DNAAF9: variants seen among roughly 807,000 people sequenced by gnomAD.
DNAAF9 encodes the protein dynein axonemal assembly factor 9, also known as shulin.
DNAAF9 carries 90 observed loss-of-function variants against 167.0 expected under a neutral mutation model. That is an observed-to-expected ratio of 0.54 (90% confidence interval 0.45 to 0.64). The LOEUF (loss-of-function observed/expected upper bound fraction) is 0.64. Among genes scored for constraint, DNAAF9 ranks in the 30% least tolerant of loss-of-function variants. The pLI, the probability that DNAAF9 is intolerant of heterozygous loss-of-function variation, is 0.00. For missense variants in DNAAF9, 1,315 were observed against 1,442.2 expected (o/e 0.91, Z 1.43); for synonymous variants, 491 against 508.8 (o/e 0.96, Z 0.47).
At chr20:3,398,988 G>T (rs2083947176) in intron 1 of DNAAF9, among the ~76,000 whole-genome samples, 1 of 152,194 alleles carries the variant, frequency 6.6e-6, no homozygotes, top group African/African-American at 2.4e-5. Context: ...TGACCATAAG[G>T]TGACTCAAAC....
chr20:3,291,351 T>G (rs2068949407), intron 25 of DNAAF9, among the ~76,000 whole-genome samples: 3 of 150,666 alleles, frequency 2.0e-5, no homozygotes, highest in South Asian at 4.2e-4. Flanking sequence ...TTTTGTTTTT[T>G]TTTTTTTTTT....
intron 7 of DNAAF9, among the ~76,000 whole-genome samples, chr20:3,356,759 A>G (rs189813912): frequency 2.2e-4 from 34 of 152,328 alleles, no homozygotes; most frequent in Non-Finnish European, 3.8e-4. Context: ...CAGCAAGAGT[A>G]TAAGAGGCCA....
chr20:3,405,350 G>A (rs2084040941), intron 1 of DNAAF9, among the ~76,000 whole-genome samples: 1 of 152,300 alleles, frequency 6.6e-6, no homozygotes, highest in East Asian at 1.9e-4. Context: ...AGTTAGGTTT[G>A]CCCCTTCCAT....
intron 16 of DNAAF9, among the ~76,000 whole-genome samples, chr20:3,318,630 A>C (rs530747721): frequency 2.2e-4 from 34 of 152,276 alleles, no homozygotes; most frequent in African/African-American, 8.2e-4. Context: ...TTGGGCTATA[A>C]GGAAAGTATC....
chr20:3,340,921 C>A (rs6051761), intron 9 of DNAAF9, among the ~76,000 whole-genome samples: 2 of 151,906 alleles, frequency 1.3e-5, no homozygotes, highest in Non-Finnish European at 2.9e-5. Flanking sequence ...GTTCCATAAG[C>A]TTGCTGTCCA....
At chr20:3,284,520 A>T (rs1191290270) in intron 27 of DNAAF9, among the ~76,000 whole-genome samples, 2 of 151,680 alleles carry the variant, frequency 1.3e-5, no homozygotes, top group Non-Finnish European at 2.9e-5. Context: ...AACTGACCCA[A>T]CTGTATGACG....
intron 7 of DNAAF9, among the ~76,000 whole-genome samples, chr20:3,353,976 A>G (rs769178458): frequency 2.0e-5 from 3 of 152,144 alleles, no homozygotes; most frequent in Non-Finnish European, 4.4e-5. Context: ...TGCACATTCT[A>G]TTTTTCCAAT....
intron 1 of DNAAF9, among the ~76,000 whole-genome samples, chr20:3,387,884 T>TAAAAAAAAAAAAAAAAAAAAAAA (rs557861791): frequency 3.4e-5 from 3 of 87,368 alleles, no homozygotes; most frequent in African/African-American, 1.4e-4. Context: ...CTACAAAAAG[T>TAAAAAAAAAAAAAAAAAAAAAAA]AAAAAAAAAA....
At chr20:3,345,808 C>A (rs1365587556) in intron 8 of DNAAF9, among the ~76,000 whole-genome samples, 2 of 151,988 alleles carry the variant, frequency 1.3e-5, no homozygotes, top group Admixed American at 1.3e-4. Flanking sequence ...ATACTAGAGA[C>A]AAAATGCTAA....
rs1250928428 is a variant in DNAAF9 at position 3,353,642 on chromosome 20, C to CA, written c.691-5020_691-5019insT. ...GACCCTGTCCCCCCGCACCACCCCCCCCCCCGCAAAAAAAAAGGCTATTAA... is the reference window on the plus strand; with the variant it reads ...GACCCTGTCCCCCCGCACCACCCCCCACCCCCGCAAAAAAAAAGGCTATTAA... On this transcript the variant is annotated intron_variant, in intron 7 of 36. Transcript: ENST00000252032. Among the ~76,000 whole-genome samples the CA allele has an allele frequency of 5.9e-5, 8 of 135,244 alleles. No homozygotes were observed. In the South Asian group the frequency reaches 2.3e-3, roughly 39 times the overall value. The allele number at this position is 135,244 out of a possible 152,430, so 88.7% of individuals were successfully genotyped here.
At chr20:3,407,105 G>A (rs1315940873) in intron 1 of DNAAF9, among the ~76,000 whole-genome samples, 3 of 152,130 alleles carry the variant, frequency 2.0e-5, no homozygotes, top group Non-Finnish European at 4.4e-5. Context: ...TTATTCATAG[G>A]GAAGCCTCTG....
chr20:3,276,695 A>C (rs1230791348), intron 29 of DNAAF9, among the ~76,000 whole-genome samples: 1 of 152,176 alleles, frequency 6.6e-6, no homozygotes, highest in Non-Finnish European at 1.5e-5. Context: ...ACACTGAGGG[A>C]GAATGCCAAG....
In DNAAF9 at chr20:3,252,590, G is replaced by C; in HGVS notation, c.3516C>G (p.Leu1172=). ...QELEQQEYHD[L]FELKP is the part of the protein sequence containing the mutation. Reference sequence around the variant, plus strand: ...CCTTCCTCTAGGGCTTCAGCTCAAAGAGGTCATGATACTCCTGCTGTTCCA... The same window carrying C: ...CCTTCCTCTAGGGCTTCAGCTCAAACAGGTCATGATACTCCTGCTGTTCCA... Residue 1172 remains leucine, a synonymous_variant, in exon 37 of 37, where the codon CTC becomes CTG. Transcript: ENST00000252032. The C allele has an allele frequency of 6.2e-7, 1 of 1,602,660 alleles. No individual in the cohort carries two copies. The highest frequency in any genetic ancestry group is 8.6e-7 in the Non-Finnish European group (1 of 1,169,536).
chr20:3,356,982 G>A (rs1568625151), intron 7 of DNAAF9, among the ~76,000 whole-genome samples: 1 of 152,042 alleles, frequency 6.6e-6, no homozygotes, highest in Non-Finnish European at 1.5e-5. Context: ...TTATTTTCAG[G>A]TCCAAAGTAC....
chr20:3,406,549 A>G (rs1174257364), intron 1 of DNAAF9, among the ~76,000 whole-genome samples: 2 of 151,884 alleles, frequency 1.3e-5, no homozygotes, highest in African/African-American at 4.8e-5. Context: ...GCCCCACACC[A>G]GCTCCATCAC....
At chr20:3,345,430 C>G (rs1326671669) in intron 8 of DNAAF9, among the ~76,000 whole-genome samples, 3 of 152,220 alleles carry the variant, frequency 2.0e-5, no homozygotes, top group Non-Finnish European at 4.4e-5. Flanking sequence ...ATCATTTCCT[C>G]TCTAGAGATG....
intron 6 of DNAAF9, among the ~76,000 whole-genome samples, chr20:3,371,323 T>C (rs1015221374): frequency 6.8e-6 from 1 of 147,870 alleles, no homozygotes; most frequent in Non-Finnish European, 1.5e-5. Context: ...TTTTGTTCCT[T>C]GAAGAAAATC....
chr20:3,319,490 AG>A (rs2069576815), intron 16 of DNAAF9, among the ~76,000 whole-genome samples: 2 of 152,172 alleles, frequency 1.3e-5, no homozygotes, highest in Non-Finnish European at 2.9e-5. Flanking sequence ...AGCTAGAGCT[AG>A]AGTCTGTGAT....
rs1271898631 is a variant in DNAAF9 at position 3,359,613 on chromosome 20, C to T, written c.613-20G>A. The T allele has an allele frequency of 6.4e-7, 1 of 1,553,416 alleles. No individual in the cohort carries two copies. Among genetic ancestry groups the T allele is most frequent in the South Asian group, 1.1e-5 (1 of 88,388 alleles). ...CTGCAACTGCAACAGAGGGCAAAAA[C>T]ATTGAAATAATTAAGTCAATATCAT... On this transcript the variant is annotated intron_variant, in intron 6 of 36. Transcript: ENST00000252032.
Sources: gnomAD v4.1 joint callset for allele counts (sites outside exome capture counted in the v4.1 genomes callset) on GRCh38, gnomAD v4.1.1 for gene constraint, MANE v1.5 for transcripts, NCBI Gene and HGNC (gene_info 2026-07-23, HGNC 2026-07-21) for gene names.